VWC2: variants seen among roughly 807,000 people sequenced by gnomAD.
VWC2 encodes the protein brorin.
In VWC2, 14 loss-of-function variants were observed where a neutral mutation model predicts 29.8. That is an observed-to-expected ratio of 0.47 (90% CI 0.31 to 0.74). The LOEUF (loss-of-function observed/expected upper bound fraction) is 0.74, where lower values mean the gene tolerates loss of function less well. VWC2 is among the 30% of genes least tolerant of loss of function. VWC2 has a pLI of 0.05. For synonymous variants in VWC2, 213 were observed against 199.0 expected, an observed-to-expected ratio of 1.07 and a Z score of -0.59; for missense variants, 457 against 459.8, an observed-to-expected ratio of 0.99 and a Z score of 0.05.
At chr7:49,780,749 C>T (rs1788155416) in intron 2 of VWC2, among the ~76,000 whole-genome samples, 1 of 152,174 alleles carries the variant, frequency 6.6e-6, no homozygotes, top group Non-Finnish European at 1.5e-5. Flanking sequence ...ACTAGACTGT[C>T]TTTCAAAGCA....
intron 2 of VWC2, among the ~76,000 whole-genome samples, chr7:49,794,957 A>C (rs1788551982): frequency 6.6e-6 from 1 of 152,234 alleles, no homozygotes; most frequent in South Asian, 2.1e-4. Context: ...TAGCTCAGTT[A>C]GCGCTCAACA....
intron 2 of VWC2, among the ~76,000 whole-genome samples, chr7:49,801,224 T>C (rs187321436): frequency 1.3e-5 from 2 of 152,314 alleles, no homozygotes; most frequent in African/African-American, 4.8e-5. Flanking sequence ...TCTGTGAGAG[T>C]TACTCATGTT....
In VWC2 at chr7:49,913,834, A is replaced by G. The variant is rs892160175; in HGVS notation, c.*1649A>G. Reference sequence around the variant, plus strand: ...TTCAAGAAAAATGGATACATCTATCATAATTGAAAAATTAAACTATTGTGA... The same window carrying G: ...TTCAAGAAAAATGGATACATCTATCGTAATTGAAAAATTAAACTATTGTGA... On this transcript the variant is annotated 3_prime_UTR_variant, in exon 4 of 4. Coordinates refer to ENST00000340652, the MANE Select transcript of VWC2 (RefSeq NM_198570.5). 1 of 152,188 alleles carries G rather than the reference A, an allele frequency of 6.6e-6. No individual in the cohort carries two copies. The highest frequency in any genetic ancestry group is 1.5e-5 in the Non-Finnish European group (1 of 68,030). 9.4% of individuals were successfully genotyped at this position (152,188 alleles called of 1,614,324 possible). A position where few individuals can be genotyped will look rare whatever the true frequency, so the allele number is the denominator to read the frequency against.
intron 3 of VWC2, among the ~76,000 whole-genome samples, chr7:49,826,806 G>T (rs530874585): frequency 1.8e-4 from 27 of 152,218 alleles, no homozygotes; most frequent in Non-Finnish European, 2.8e-4. Context: ...TATCACAAAA[G>T]ATAACTAAGT....
chr7:49,801,843 G>A (rs1425890), intron 2 of VWC2, among the ~76,000 whole-genome samples: 16,783 of 152,278 alleles, frequency 0.11, 990 homozygotes, highest in African/African-American at 0.13. Flanking sequence ...GTATTTTAGC[G>A]CTGCTGTAAA....
chr7:49,907,867 G>A (rs1188006726), intron 3 of VWC2, among the ~76,000 whole-genome samples: 1 of 152,108 alleles, frequency 6.6e-6, no homozygotes, highest in Non-Finnish European at 1.5e-5. Context: ...GGGTTGTGGA[G>A]ACCATAGTTT....
intron 3 of VWC2, among the ~76,000 whole-genome samples, chr7:49,836,812 T>A (rs1789677738): frequency 6.6e-6 from 1 of 152,168 alleles, no homozygotes; most frequent in Non-Finnish European, 1.5e-5. Flanking sequence ...ACTGTTTAGT[T>A]GTAGATATAT....
chr7:49,849,200 G>A (rs1481120610), intron 3 of VWC2, among the ~76,000 whole-genome samples: 2 of 152,186 alleles, frequency 1.3e-5, no homozygotes, highest in Non-Finnish European at 2.9e-5. Context: ...CGGCTGTGGG[G>A]GGAAACCAAT....
chr7:49,774,683 C>A (rs1160175365), intron 1 of VWC2, among the ~76,000 whole-genome samples: 1 of 152,188 alleles, frequency 6.6e-6, no homozygotes. Context: ...CCCCGGGAAT[C>A]CCCGACCCGG....
rs1049478193 is a variant in VWC2 at position 49,915,401 on chromosome 7, A to G, written c.*3216A>G. On this transcript the variant is annotated 3_prime_UTR_variant, in exon 4 of 4. Transcript: ENST00000340652. ...AATTTCATCACCTGCTTTGTGCAGT[A>G]AAACATGCTAAGAAGAATTATCATG... is the stretch of plus-strand genomic sequence containing the variant. 3 of 152,232 alleles carry G rather than the reference A, an allele frequency of 2.0e-5. No individual in the cohort carries two copies. Among genetic ancestry groups the G allele is most frequent in the African/African-American group, 7.2e-5 (3 of 41,460 alleles). The allele number at this position is 152,232 out of a possible 1,614,324, so 9.4% of individuals were successfully genotyped here.
intron 3 of VWC2, among the ~76,000 whole-genome samples, chr7:49,846,767 A>G (rs528302978): frequency 6.6e-6 from 1 of 152,204 alleles, no homozygotes; most frequent in African/African-American, 2.4e-5. Flanking sequence ...TAATTTCCTG[A>G]TATAGGAATG....
chr7:49,780,945 C>A (rs1271406419), intron 2 of VWC2, among the ~76,000 whole-genome samples: 1 of 152,184 alleles, frequency 6.6e-6, no homozygotes, highest in Non-Finnish European at 1.5e-5. Context: ...GGAATCAAAA[C>A]CTTCATCTAA....
intron 3 of VWC2, chr7:49,850,282 C>G (rs1790124191): frequency 6.6e-6 from 1 of 152,260 alleles, no homozygotes; most frequent in South Asian, 2.1e-4. Context: ...TACATCATCA[C>G]CTAGGAATTT....
At chr7:49,787,039 G>A (rs575158488) in intron 2 of VWC2, among the ~76,000 whole-genome samples, 4 of 152,118 alleles carry the variant, frequency 2.6e-5, no homozygotes, top group Non-Finnish European at 5.9e-5. Context: ...TCATCAAGTA[G>A]GTGAACACTT....
At chr7:49,815,667 C>A (rs1789125011) in intron 3 of VWC2, among the ~76,000 whole-genome samples, 2 of 152,036 alleles carry the variant, frequency 1.3e-5, no homozygotes, top group African/African-American at 4.8e-5. Flanking sequence ...ATGTGAAAAC[C>A]AATGATCAGA....
chr7:49,783,475 G>A (rs1429568231), intron 2 of VWC2, among the ~76,000 whole-genome samples: 1 of 152,160 alleles, frequency 6.6e-6, no homozygotes, highest in East Asian at 1.9e-4. Context: ...TTTGCATGAA[G>A]GATATGGCTT....
chr7:49,795,037 G>A (rs1788553538), intron 2 of VWC2, among the ~76,000 whole-genome samples: 1 of 152,172 alleles, frequency 6.6e-6, no homozygotes, highest in Non-Finnish European at 1.5e-5. Context: ...CTGAGCATTT[G>A]AGGTGAGTGA....
chr7:49,905,823 G>C (rs1421523154), intron 3 of VWC2, among the ~76,000 whole-genome samples: 3 of 152,172 alleles, frequency 2.0e-5, no homozygotes, highest in Admixed American at 6.5e-5. Context: ...GATAAAACAG[G>C]CTGCAGTAAA....
intron 3 of VWC2, among the ~76,000 whole-genome samples, chr7:49,897,158 G>A (rs917015157): frequency 6.6e-6 from 1 of 151,984 alleles, no homozygotes; most frequent in African/African-American, 2.4e-5. Context: ...GCCTCCCAAA[G>A]TGCTGGGATT....
Sources: gnomAD v4.1 joint callset for allele counts (sites outside exome capture counted in the v4.1 genomes callset) on GRCh38, gnomAD v4.1.1 for gene constraint, MANE v1.5 for transcripts, NCBI Gene and HGNC (gene_info 2026-07-23, HGNC 2026-07-21) for gene names.